The following DPP10 variants were observed in gnomAD, a reference collection of about 807,000 sequenced individuals.
DPP10 encodes the protein inactive dipeptidyl peptidase 10.
A neutral mutation model predicts 120.9 loss-of-function variants in DPP10; 33 were observed. That is an observed-to-expected ratio of 0.27 (90% CI 0.21 to 0.37). The LOEUF is 0.37. Among genes scored for constraint, DPP10 ranks in the 10% least tolerant of loss-of-function variants. DPP10 has a pLI of 1.00. For synonymous variants in DPP10, 337 were observed against 326.1 expected, an observed-to-expected ratio of 1.03 and a Z score of -0.36; for missense variants, 816 against 942.8, an observed-to-expected ratio of 0.87 and a Z score of 1.76.
chr2:115,651,478 G>A (rs1304540632), intron 5 of DPP10, among the ~76,000 whole-genome samples: 1 of 152,040 alleles, frequency 6.6e-6, no homozygotes, highest in Non-Finnish European at 1.5e-5. Context: ...TAAGCAATTA[G>A]AAGAAGGAAA....
chr2:115,603,910 A>G (rs1034408449), intron 5 of DPP10, among the ~76,000 whole-genome samples: 1 of 152,010 alleles, frequency 6.6e-6, no homozygotes, highest in African/African-American at 2.4e-5. Flanking sequence ...CAAAATTTAA[A>G]CTAAAGGAAA....
intron 1 of DPP10, among the ~76,000 whole-genome samples, chr2:114,640,695 C>G (rs952770492): frequency 6.6e-6 from 1 of 151,900 alleles, no homozygotes; most frequent in African/African-American, 2.4e-5. Context: ...CTTTGATTGT[C>G]TTTCTACCAG....
intron 3 of DPP10, among the ~76,000 whole-genome samples, chr2:115,451,714 T>C (rs1258763785): frequency 6.6e-6 from 1 of 152,006 alleles, no homozygotes; most frequent in Non-Finnish European, 1.5e-5. Flanking sequence ...ATTTCAAATG[T>C]ATCTTTCAAA....
Position 115,791,074 on chromosome 2 carries a change from T to C in DPP10, c.1532-7T>C, listed in dbSNP as rs745804119. 4 of 1,606,988 alleles carry C rather than the reference T, an allele frequency of 2.5e-6. No individual in the cohort carries two copies. In the Admixed American group the frequency reaches 6.8e-5, roughly 27 times the overall value. On this transcript the variant is annotated splice_region_variant and splice_polypyrimidine_tract_variant and intron_variant, in intron 17 of 25. Coordinates refer to ENST00000410059, the MANE Select transcript of DPP10 (RefSeq NM_020868.6). ...TAGCTATTTACACTACCCTTTTTGGTTTACAGAATATTTTATATTGGAAAG... is the reference window on the plus strand; with the variant it reads ...TAGCTATTTACACTACCCTTTTTGGCTTACAGAATATTTTATATTGGAAAG...
chr2:115,791,589 A>G (rs1397034929), intron 19 of DPP10, among the ~76,000 whole-genome samples: 2 of 152,230 alleles, frequency 1.3e-5, no homozygotes, highest in Non-Finnish European at 2.9e-5. Context: ...ACTGCCAGGA[A>G]TAGTGACACT....
intron 3 of DPP10, among the ~76,000 whole-genome samples, chr2:115,422,394 AG>A (rs2070057772): frequency 6.6e-6 from 1 of 152,172 alleles, no homozygotes; most frequent in Non-Finnish European, 1.5e-5. Flanking sequence ...TTGACAGTTT[AG>A]GTAAGAAGTC....
chr2:114,901,987 T>C (rs1163683072), intron 1 of DPP10, among the ~76,000 whole-genome samples: 1 of 152,202 alleles, frequency 6.6e-6, no homozygotes, highest in East Asian at 1.9e-4. Context: ...TTGTTGACTT[T>C]CTGAAGACCC....
intron 1 of DPP10, among the ~76,000 whole-genome samples, chr2:115,262,913 A>G (rs1284563031): frequency 6.6e-6 from 1 of 152,174 alleles, no homozygotes; most frequent in Non-Finnish European, 1.5e-5. Context: ...ACATAAACCA[A>G]AATCATGGTA....
intron 5 of DPP10, among the ~76,000 whole-genome samples, chr2:115,671,945 A>G (rs1052067697): frequency 2.6e-5 from 4 of 152,146 alleles, no homozygotes; most frequent in Non-Finnish European, 5.9e-5. Context: ...CTGATATGTA[A>G]AACAATATAT....
intron 5 of DPP10, among the ~76,000 whole-genome samples, chr2:115,609,476 C>G (rs2083940805): frequency 1.3e-5 from 2 of 152,042 alleles, no homozygotes; most frequent in South Asian, 4.1e-4. Context: ...CATTTTTTAG[C>G]AGTCCCAGAG....
At chr2:114,709,688 G>A (rs990972769) in intron 1 of DPP10, among the ~76,000 whole-genome samples, 1 of 152,124 alleles carries the variant, frequency 6.6e-6, no homozygotes, top group African/African-American at 2.4e-5. Flanking sequence ...ATTAGAAAAG[G>A]GATGGAGCTG....
rs1690362503 is a variant in DPP10, at chr2:115,843,590, A to G, written c.*1245A>G. On this transcript the variant is annotated 3_prime_UTR_variant, in exon 26 of 26. Transcript: ENST00000410059. ...ATTGGCCAAAAAGTTCACAGACAGCAGTGTTTGCTATTTACTTTGAATTGA... is the reference window on the plus strand; with the variant it reads ...ATTGGCCAAAAAGTTCACAGACAGCGGTGTTTGCTATTTACTTTGAATTGA... The G allele has an allele frequency of 6.6e-6, 1 of 152,210 alleles. No individual in the cohort carries two copies. Among genetic ancestry groups the G allele is most frequent in the Non-Finnish European group, 1.5e-5 (1 of 68,034 alleles). The allele number at this position is 152,210 out of a possible 1,614,324, so 9.4% of individuals were successfully genotyped here. A position where few individuals can be genotyped will look rare whatever the true frequency, so the allele number is the denominator to read the frequency against.
At chr2:115,054,334 G>A (rs761994369) in intron 1 of DPP10, among the ~76,000 whole-genome samples, 4 of 152,108 alleles carry the variant, frequency 2.6e-5, no homozygotes, top group Non-Finnish European at 4.4e-5. Flanking sequence ...TGACATTAAT[G>A]AACTTCACAT....
intron 11 of DPP10, among the ~76,000 whole-genome samples, chr2:115,758,245 C>T (rs1679669723): frequency 6.6e-6 from 1 of 152,062 alleles, no homozygotes; most frequent in Non-Finnish European, 1.5e-5. Context: ...AGTCTTCTAA[C>T]TTTTGTCTAT....
chr2:115,691,989 G>A (rs912475357), intron 7 of DPP10, among the ~76,000 whole-genome samples: 23 of 151,904 alleles, frequency 1.5e-4, no homozygotes, highest in South Asian at 8.3e-4. Flanking sequence ...ACCTTGCTAC[G>A]CACAATTATA....
At chr2:114,700,019 G>A (rs1700296597) in intron 1 of DPP10, among the ~76,000 whole-genome samples, 4 of 152,112 alleles carry the variant, frequency 2.6e-5, no homozygotes, top group Admixed American at 2.6e-4. Flanking sequence ...TACTGATTCT[G>A]TGGCTCAAAA....
chr2:114,553,857 A>G (rs1688075821), intron 1 of DPP10, among the ~76,000 whole-genome samples: 1 of 152,202 alleles, frequency 6.6e-6, no homozygotes, highest in Non-Finnish European at 1.5e-5. Context: ...TTCAACAACT[A>G]TTTACTGAGC....
chr2:114,494,487 G>A (rs146791918), intron 1 of DPP10, among the ~76,000 whole-genome samples: 16 of 152,186 alleles, frequency 1.1e-4, no homozygotes, highest in African/African-American at 2.9e-4. Context: ...AAGCAAGCAT[G>A]AGTTTGACAG....
intron 1 of DPP10, among the ~76,000 whole-genome samples, chr2:115,286,365 C>T (rs541339587): frequency 1.9e-4 from 28 of 148,644 alleles, no homozygotes; most frequent in African/African-American, 6.2e-4. Context: ...AACTAAGCTT[C>T]GTTTTAAGAT....
Sources: gnomAD v4.1 joint callset for allele counts (sites outside exome capture counted in the v4.1 genomes callset) on GRCh38, gnomAD v4.1.1 for gene constraint, MANE v1.5 for transcripts, NCBI Gene and HGNC (gene_info 2026-07-23, HGNC 2026-07-21) for gene names.